Variants in CAMTA1 observed in about 807,000 individuals in gnomAD.
CAMTA1 encodes the protein calmodulin binding transcription activator 1, also known as calmodulin-binding transcription activator 1.
Under a neutral mutation model 170.9 loss-of-function variants are expected in CAMTA1, and 27 were observed. That is an observed-to-expected ratio of 0.16 (90% CI 0.12 to 0.22). The LOEUF (loss-of-function observed/expected upper bound fraction) is 0.22, where lower values mean the gene tolerates loss of function less well. Ranked by LOEUF, CAMTA1 falls within the 10% of genes least tolerant of loss-of-function variation. The probability of loss-of-function intolerance (pLI) is 1.00; values close to 1 mark genes in which losing one functional copy is unlikely to be tolerated. For synonymous variants in CAMTA1, 833 were observed against 891.5 expected (o/e 0.93, Z 1.17); for missense variants, 1,619 against 2,217.2 (o/e 0.73, Z 5.42).
chr1:7,428,009 G>A (rs895889945), intron 5 of CAMTA1, among the ~76,000 whole-genome samples: 5 of 152,196 alleles, frequency 3.3e-5, no homozygotes, highest in African/African-American at 1.2e-4. Context: ...CTGCTGCCAC[G>A]GGAGGGAAGC....
chr1:7,397,280 G>C (rs1013286129), intron 5 of CAMTA1, among the ~76,000 whole-genome samples: 3 of 151,896 alleles, frequency 2.0e-5, no homozygotes, highest in African/African-American at 7.3e-5. Context: ...TTGCCATATA[G>C]TTGTTCATAA....
chr1:7,746,156 G>C, intron 18 of CAMTA1, 65 bp downstream of exon 18: 1 of 1,537,916 alleles, frequency 6.5e-7, no homozygotes, highest in Non-Finnish European at 8.8e-7. Context: ...ATGAAAGTCA[G>C]AATCATGCGA....
intron 5 of CAMTA1, among the ~76,000 whole-genome samples, chr1:7,337,991 A>G (rs986572459): frequency 2.6e-5 from 4 of 151,248 alleles, no homozygotes; most frequent in Admixed American, 6.6e-5. Context: ...ATGTGTATAT[A>G]TACTATATAT....
At chr1:7,509,126 A>G (rs2149866706) in intron 6 of CAMTA1, among the ~76,000 whole-genome samples, 1 of 152,306 alleles carries the variant, frequency 6.6e-6, no homozygotes, top group South Asian at 2.1e-4. Context: ...AGCAAATGGA[A>G]GCACCATCTA....
At chr1:6,986,706 G>T (rs959966426) in intron 3 of CAMTA1, among the ~76,000 whole-genome samples, 1 of 152,016 alleles carries the variant, frequency 6.6e-6, no homozygotes, top group Non-Finnish European at 1.5e-5. Flanking sequence ...TGTGAGTACT[G>T]GGGCTCCAAG....
intron 3 of CAMTA1, among the ~76,000 whole-genome samples, chr1:7,084,562 G>A (rs1285010469): frequency 6.6e-6 from 1 of 152,336 alleles, no homozygotes; most frequent in East Asian, 1.9e-4. Context: ...GAGGGGACAC[G>A]GCTCGTCACC....
rs2092940084 is a variant in CAMTA1, at chr1:7,455,910, C to T, written c.439-11920C>T. 6.6e-6 allele frequency among the ~76,000 whole-genome samples: 1 copy of T among 152,218 alleles called. No homozygotes were observed. The highest frequency in any genetic ancestry group is 2.4e-5 in the African/African-American group (1 of 41,452). Reference sequence around the variant, plus strand: ...GATGAGTAGAGAGAAAGGCCGGCCACCTGGGGCTGTGTAGCCGAAGCTCCC... The same window carrying T: ...GATGAGTAGAGAGAAAGGCCGGCCATCTGGGGCTGTGTAGCCGAAGCTCCC... On this transcript the variant is annotated intron_variant, in intron 5 of 22. Transcript: ENST00000303635. This position sits in a 1 kb window ranked among gnomAD's most constrained non-coding sequence, Gnocchi z 5.0.
At chr1:7,309,485 G>C (rs1456873321) in intron 5 of CAMTA1, among the ~76,000 whole-genome samples, 1 of 151,212 alleles carries the variant, frequency 6.6e-6, no homozygotes, top group Non-Finnish European at 1.5e-5. Context: ...ATTTTTAGTA[G>C]AGACGGGGTT....
chr1:6,917,966 A>T (rs1447996064), intron 3 of CAMTA1, among the ~76,000 whole-genome samples: 2 of 152,082 alleles, frequency 1.3e-5, no homozygotes, highest in African/African-American at 4.8e-5. Context: ...AACATGACCA[A>T]GGTGGAGAGG....
intron 4 of CAMTA1, among the ~76,000 whole-genome samples, chr1:7,229,867 C>G (rs1250698365): frequency 6.6e-6 from 1 of 152,144 alleles, no homozygotes; most frequent in African/African-American, 2.4e-5. Flanking sequence ...CGCATAGTCC[C>G]CCGGCTCCCC....
At chr1:7,544,351 A>T (rs1198016351) in intron 6 of CAMTA1, among the ~76,000 whole-genome samples, 1 of 152,212 alleles carries the variant, frequency 6.6e-6, no homozygotes, top group Non-Finnish European at 1.5e-5. Context: ...CTCCCACAAC[A>T]TGTGGGAATT....
rs977138333 is a variant in CAMTA1 at position 7,592,740 on chromosome 1, T to C, written c.511-47660T>C. ...AGTGTCCTCATGGAGTCAACCAGCA[T>C]CTCCTGCATCCTCTACCTTGGAAAA... On this transcript the variant is annotated intron_variant, in intron 6 of 22. Transcript: ENST00000303635. The surrounding 1 kb of genome is among the most constrained non-coding windows in gnomAD (Gnocchi z 4.6). 1.3e-5 allele frequency among the ~76,000 whole-genome samples: 2 copies of C among 152,078 alleles called. No individual in the cohort carries two copies. The highest frequency in any genetic ancestry group is 4.8e-5 in the African/African-American group (2 of 41,396).
intron 4 of CAMTA1, among the ~76,000 whole-genome samples, chr1:7,147,721 G>GCA (rs1481809188): frequency 2.6e-5 from 3 of 116,556 alleles, no homozygotes; most frequent in Admixed American, 1.7e-4. Flanking sequence ...CATATACCAT[G>GCA]CACACACACA....
Position 7,251,768 on chromosome 1 carries a change from G to A in CAMTA1, c.438+2142G>A, listed in dbSNP as rs1050045873. On this transcript the variant is annotated intron_variant, in intron 5 of 22. Coordinates refer to ENST00000303635, the MANE Select transcript of CAMTA1 (RefSeq NM_015215.4). This position sits in a 1 kb window ranked among gnomAD's most constrained non-coding sequence, Gnocchi z 5.1. ...CCTGGGCTTTTATGATAAGCATCCC[G>A]GGAGTGCAGAGTGGGCTGGAATGGT... Among the ~76,000 whole-genome samples, 9 of 152,192 alleles carry A rather than the reference G, an allele frequency of 5.9e-5. No individual in the cohort carries two copies. Among genetic ancestry groups the A allele is most frequent in the Non-Finnish European group, 8.8e-5 (6 of 68,044 alleles).
chr1:7,421,189 G>A (rs530104111), intron 5 of CAMTA1, among the ~76,000 whole-genome samples: 4 of 143,380 alleles, frequency 2.8e-5, no homozygotes, highest in African/African-American at 1.0e-4. Flanking sequence ...TCTCACTCTT[G>A]TTGCCCAGGC....
chr1:7,457,290 A>T (rs2092980104), intron 5 of CAMTA1, among the ~76,000 whole-genome samples: 1 of 152,144 alleles, frequency 6.6e-6, no homozygotes, highest in African/African-American at 2.4e-5. Context: ...CATGATTTTT[A>T]TGGCTTTTTA....
intron 10 of CAMTA1, among the ~76,000 whole-genome samples, chr1:7,676,675 C>T (rs190537650): frequency 3.0e-4 from 46 of 152,312 alleles, no homozygotes; most frequent in Middle Eastern, 6.8e-3. Flanking sequence ...TCTGGTATTC[C>T]GGAAAAGCAG....
chr1:7,384,318 G>A (rs1394086698), intron 5 of CAMTA1, among the ~76,000 whole-genome samples: 1 of 152,240 alleles, frequency 6.6e-6, no homozygotes, highest in Non-Finnish European at 1.5e-5. Context: ...ACTTTCCGGG[G>A]CAGCTGGCCT....
At chr1:6,831,440 A>T (rs1200693291) in intron 3 of CAMTA1, among the ~76,000 whole-genome samples, 2 of 152,230 alleles carry the variant, frequency 1.3e-5, no homozygotes. Context: ...CTATTTCATA[A>T]TTACGTATAT....
Sources: allele counts gnomAD v4.1 joint callset (sites outside exome capture counted in the v4.1 genomes callset), GRCh38; gene constraint gnomAD v4.1.1; non-coding constraint Gnocchi (gnomAD v3.1); transcripts MANE v1.5; gene names NCBI Gene and HGNC (gene_info 2026-07-23, HGNC 2026-07-21).